The following B4GALNT3 variants were observed in gnomAD, a reference collection of about 807,000 sequenced individuals.
B4GALNT3 encodes the protein beta-1,4-N-acetylgalactosaminyltransferase 3.
Under a neutral mutation model 120.2 loss-of-function variants are expected in B4GALNT3, and 86 were observed. That is an observed-to-expected ratio of 0.72 (90% CI 0.60 to 0.86). The LOEUF (loss-of-function observed/expected upper bound fraction) is 0.86, where lower values mean the gene tolerates loss of function less well. Ranked by LOEUF, B4GALNT3 falls within the 40% of genes least tolerant of loss-of-function variation. The pLI, the probability that B4GALNT3 is intolerant of heterozygous loss-of-function variation, is 0.00. For missense variants in B4GALNT3, 1,167 were observed against 1,298.9 expected, an observed-to-expected ratio of 0.90 and a Z score of 1.56; for synonymous variants, 518 against 510.4, an observed-to-expected ratio of 1.01 and a Z score of -0.20.
chr12:472,165 C>T (rs758170850), intron 1 of B4GALNT3, among the ~76,000 whole-genome samples: 2 of 152,202 alleles, frequency 1.3e-5, no homozygotes, highest in African/African-American at 4.8e-5. Flanking sequence ...AGTGCAGAGG[C>T]TTGAAGGAGA....
At chr12:538,773 A>G (rs1946886801) in intron 3 of B4GALNT3, among the ~76,000 whole-genome samples, 2 of 152,148 alleles carry the variant, frequency 1.3e-5, no homozygotes, top group African/African-American at 2.4e-5. Flanking sequence ...AGGCCAAACC[A>G]CACGCAGTCA....
chr12:502,077 A>G (rs1355941344), intron 1 of B4GALNT3, among the ~76,000 whole-genome samples: 1 of 152,232 alleles, frequency 6.6e-6, no homozygotes, highest in Non-Finnish European at 1.5e-5. Flanking sequence ...AGCACAGGAC[A>G]GGGGAGAACA....
intron 1 of B4GALNT3, among the ~76,000 whole-genome samples, chr12:463,116 A>T (rs1296245688): frequency 6.6e-6 from 1 of 152,132 alleles, no homozygotes; most frequent in African/African-American, 2.4e-5. Context: ...AATCCCTGCC[A>T]ACTCACTCCA....
chr12:513,014 C>G (rs1164145364), intron 1 of B4GALNT3, among the ~76,000 whole-genome samples: 1 of 146,448 alleles, frequency 6.8e-6, no homozygotes, highest in Non-Finnish European at 1.5e-5. Flanking sequence ...CACCTTCCGC[C>G]TTCCACCTTC....
chr12:540,358 G>A (rs970034650), intron 3 of B4GALNT3: 2 of 152,216 alleles, frequency 1.3e-5, no homozygotes, highest in Non-Finnish European at 2.9e-5. Context: ...ACTGTTCTGG[G>A]CTTAGCTCCT....
intron 1 of B4GALNT3, among the ~76,000 whole-genome samples, chr12:515,659 G>A (rs16931464): frequency 0.11 from 16,044 of 152,014 alleles, 1,622 homozygotes; most frequent in East Asian, 0.26. Flanking sequence ...TCATAACCCC[G>A]TTTGGGAAAT....
At chr12:532,697 C>G (rs1565604468) in intron 1 of B4GALNT3, among the ~76,000 whole-genome samples, 2 of 152,104 alleles carry the variant, frequency 1.3e-5, no homozygotes, top group East Asian at 3.8e-4. Context: ...TTGCTGAAAA[C>G]TGGACTAGGT....
At chr12:461,067 C>CT (rs1292675897) in intron 1 of B4GALNT3, among the ~76,000 whole-genome samples, 2 of 152,236 alleles carry the variant, frequency 1.3e-5, no homozygotes, top group East Asian at 1.9e-4. Context: ...TAGGGGGGTT[C>CT]TTTTTTACCA....
chr12:504,452 C>T (rs1210957997), intron 1 of B4GALNT3, among the ~76,000 whole-genome samples: 1 of 151,686 alleles, frequency 6.6e-6, no homozygotes, highest in Non-Finnish European at 1.5e-5. Context: ...CGCAGCCGCC[C>T]CCCCGCCCCC....
intron 1 of B4GALNT3, among the ~76,000 whole-genome samples, chr12:482,772 G>A (rs1946254025): frequency 6.6e-6 from 1 of 152,144 alleles, no homozygotes; most frequent in Non-Finnish European, 1.5e-5. Flanking sequence ...AAGGTGAGAG[G>A]TTCACTTGAG....
intron 1 of B4GALNT3, among the ~76,000 whole-genome samples, chr12:490,813 C>T (rs1040775251): frequency 2.0e-4 from 30 of 151,976 alleles, no homozygotes; most frequent in African/African-American, 7.0e-4. Flanking sequence ...AAGACACAAT[C>T]TGCCAAAACT....
rs781598588 is a variant in B4GALNT3 at position 536,239 on chromosome 12, G to T, written c.295G>T (p.Val99Leu). ...CTAGGACCACGACATTGACCAAGGGGTGAGCAGTAACAGCAGCTACTTGAA... is the reference window on the plus strand; with the variant it reads ...CTAGGACCACGACATTGACCAAGGGTTGAGCAGTAACAGCAGCTACTTGAA... ...SLEDHDIDQGVSSNSSYLKWN... is the reference protein window; with the variant it reads ...SLEDHDIDQGLSSNSSYLKWN... Residue 99 changes from valine (V) to leucine (L), a missense_variant, in exon 3 of 20, where the codon GTG becomes TTG. Physicochemically the swap from Val to Leu is conservative, Grantham distance 32 (BLOSUM62 1). Coordinates refer to ENST00000266383, the MANE Select transcript of B4GALNT3 (RefSeq NM_173593.4). 3.1e-6 allele frequency: 5 copies of T among 1,614,124 alleles called. No homozygotes were observed. Among genetic ancestry groups the T allele is most frequent in the South Asian group, 1.1e-5 (1 of 91,080 alleles).
At chr12:470,925 C>T (rs576820219) in intron 1 of B4GALNT3, among the ~76,000 whole-genome samples, 10 of 151,776 alleles carry the variant, frequency 6.6e-5, no homozygotes, top group Non-Finnish European at 1.2e-4. Flanking sequence ...TTTTAGGTTT[C>T]GCCATGTTGG....
At chr12:522,063 T>C (rs572569646) in intron 1 of B4GALNT3, among the ~76,000 whole-genome samples, 55 of 152,222 alleles carry the variant, frequency 3.6e-4, no homozygotes, top group Middle Eastern at 3.4e-3. Flanking sequence ...TCCCAGACTT[T>C]CTGCTTTCTC....
intron 1 of B4GALNT3, among the ~76,000 whole-genome samples, chr12:520,672 GGTA>G (rs1946700886): frequency 1.5e-5 from 1 of 67,666 alleles, no homozygotes; most frequent in Non-Finnish European, 2.9e-5. Context: ...AACTAAAGTA[GGTA>G]TTTTGACAAT....
intron 1 of B4GALNT3, among the ~76,000 whole-genome samples, chr12:464,792 A>C (rs559904820): frequency 6.6e-6 from 1 of 152,264 alleles, no homozygotes; most frequent in East Asian, 1.9e-4. Context: ...GAAGCTCAGG[A>C]AGCCGTTGGC....
chr12:489,232 A>G (rs1264756521), intron 1 of B4GALNT3, among the ~76,000 whole-genome samples: 1 of 151,884 alleles, frequency 6.6e-6, no homozygotes. Context: ...AGGGCTTAAA[A>G]TCTAGATGAT....
intron 1 of B4GALNT3, among the ~76,000 whole-genome samples, chr12:511,783 C>T (rs1277785559): frequency 2.3e-5 from 2 of 88,020 alleles, no homozygotes; most frequent in Non-Finnish European, 2.5e-5. Context: ...CACCTTCTTC[C>T]ACCTTCCACC....
intron 19 of B4GALNT3, 134 bp downstream of exon 19, chr12:559,555 G>A (rs1381356144): frequency 7.7e-7 from 1 of 1,300,836 alleles, no homozygotes; most frequent in Non-Finnish European, 1.0e-6. Context: ...ACTGGACTCG[G>A]AGGACGCCCT....
Sources: allele counts gnomAD v4.1 joint callset (sites outside exome capture counted in the v4.1 genomes callset), GRCh38; gene constraint gnomAD v4.1.1; transcripts MANE v1.5; gene names NCBI Gene and HGNC (gene_info 2026-07-23, HGNC 2026-07-21).